The following CD109 variants were observed in gnomAD, a reference collection of about 807,000 sequenced individuals.
The protein encoded by CD109 is CD109 molecule.
A neutral mutation model predicts 165.8 loss-of-function variants in CD109; 149 were observed. The ratio of observed to expected loss-of-function variants is 0.90; its 90% confidence interval spans 0.79 to 1.03. The LOEUF is 1.03. Among genes scored for constraint, CD109 ranks in the 50% least tolerant of loss-of-function variants. The pLI is 0.00. For synonymous variants in CD109, 585 were observed against 592.1 expected, an observed-to-expected ratio of 0.99 and a Z score of 0.18; for missense variants, 1,712 against 1,677.8, an observed-to-expected ratio of 1.02 and a Z score of -0.36.
At chr6:73,795,919 A>T (rs192148979) in intron 23 of CD109, among the ~76,000 whole-genome samples, 10 of 152,332 alleles carry the variant, frequency 6.6e-5, no homozygotes, top group African/African-American at 2.4e-4. Flanking sequence ...AGTCAGTGAG[A>T]TATGTCAGCA....
In CD109 at chr6:73,812,058, T is replaced by C. The variant is rs1417280838; in HGVS notation, c.3703-147T>C. On this transcript the variant is annotated intron_variant, in intron 28 of 32. Coordinates refer to ENST00000287097, the MANE Select transcript of CD109 (RefSeq NM_133493.5). ...CTTGCTTACCTATTTGACCCATAGC[T>C]TTTGATATGTGAGACAGTGCAAAGC... 2.3e-5 allele frequency: 12 copies of C among 511,760 alleles called. No individual in the cohort carries two copies. The South Asian group carries it at 3.6e-4, about 16-fold the overall frequency. 31.7% of individuals were successfully genotyped at this position (511,760 alleles called of 1,614,324 possible).
intron 3 of CD109, among the ~76,000 whole-genome samples, chr6:73,729,700 G>A (rs1772285944): frequency 6.6e-6 from 1 of 151,982 alleles, no homozygotes; most frequent in Admixed American, 6.6e-5. Context: ...TTTTAGTAGA[G>A]ATGGGGTTTC....
intron 26 of CD109, among the ~76,000 whole-genome samples, chr6:73,808,805 GGTGTGT>G (rs10552233): frequency 0.14 from 20,279 of 145,476 alleles, 1,367 homozygotes; most frequent in East Asian, 0.16. Context: ...CAGGGATCCA[GGTGTGT>G]GTGTGTGTGT....
chr6:73,733,074 C>T (rs1218472137), intron 4 of CD109, among the ~76,000 whole-genome samples: 2 of 152,164 alleles, frequency 1.3e-5, no homozygotes, highest in African/African-American at 2.4e-5. Flanking sequence ...CTTGCAGAGG[C>T]CAGGTGGGAG....
At chr6:73,781,409 T>C (rs975963776) in intron 17 of CD109, 90 bp downstream of exon 17, 3 of 1,115,504 alleles carry the variant, frequency 2.7e-6, no homozygotes, top group Non-Finnish European at 2.7e-6. Context: ...TAGATGAACA[T>C]AGAGATTGTG....
intron 5 of CD109, among the ~76,000 whole-genome samples, chr6:73,749,859 G>A (rs1039217002): frequency 8.5e-5 from 13 of 152,150 alleles, no homozygotes; most frequent in African/African-American, 2.9e-4. Flanking sequence ...TTAGTAGAAA[G>A]TTTCTATGTA....
chr6:73,756,386 G>T (rs1017629088), intron 5 of CD109, among the ~76,000 whole-genome samples: 2 of 152,028 alleles, frequency 1.3e-5, no homozygotes, highest in African/African-American at 2.4e-5. Context: ...TAAATGACCC[G>T]CAATGAATTA....
In CD109 at chr6:73,823,652, TG is replaced by T. The variant is rs765499911; in HGVS notation, c.*20del. ...GCTGTGATTTATTTTTAAAGGACTCTGTGTAACACTAACATTTCCAGTAGTC... is the reference window on the plus strand; with the variant it reads ...GCTGTGATTTATTTTTAAAGGACTCTTGTAACACTAACATTTCCAGTAGTC... On this transcript the variant is annotated 3_prime_UTR_variant, in exon 33 of 33. Coordinates refer to ENST00000287097, the MANE Select transcript of CD109 (RefSeq NM_133493.5). The T allele has an allele frequency of 3.8e-6, 6 of 1,579,736 alleles. No individual in the cohort carries two copies. Among genetic ancestry groups the T allele is most frequent in the East Asian group, 2.3e-5 (1 of 44,366 alleles).
In CD109 at chr6:73,730,383, G is replaced by T; in HGVS notation, c.316G>T (p.Val106Leu). 6.2e-7 allele frequency: 1 copy of T among 1,613,924 alleles called. No homozygotes were observed. The highest frequency in any genetic ancestry group is 8.5e-7 in the Non-Finnish European group (1 of 1,179,828). The change falls in exon 4 of 33, where the codon GTA becomes TTA. Residue 106 changes from valine (V) to leucine (L), a missense_variant. Coordinates refer to ENST00000287097, the MANE Select transcript of CD109 (RefSeq NM_133493.5). ...TGCAGATGAGATTTATGAGCTACGT[G>T]TAACCGGACGTACCCAGGATGAGAT... ...NSADEIYELR[V>L]TGRTQDEILF...
chr6:73,746,390 G>T (rs2150201583), intron 5 of CD109, among the ~76,000 whole-genome samples: 1 of 152,144 alleles, frequency 6.6e-6, no homozygotes, highest in South Asian at 2.1e-4. Flanking sequence ...TTCCCTCAAG[G>T]GTAACTTTCC....
At chr6:73,761,960 A>C (rs531505898) in intron 7 of CD109, among the ~76,000 whole-genome samples, 1 of 149,282 alleles carries the variant, frequency 6.7e-6, no homozygotes, top group Admixed American at 6.7e-5. Flanking sequence ...TTTTTTTTTA[A>C]TTTATTTATT....
intron 2 of CD109, among the ~76,000 whole-genome samples, chr6:73,704,975 G>A (rs1309765919): frequency 3.9e-5 from 6 of 152,098 alleles, no homozygotes; most frequent in Non-Finnish European, 1.5e-5. Context: ...ATTCATAAAT[G>A]TCCCACCTCT....
At chr6:73,734,642 T>A (rs1772480597) in intron 4 of CD109, among the ~76,000 whole-genome samples, 1 of 152,170 alleles carries the variant, frequency 6.6e-6, no homozygotes, top group Admixed American at 6.5e-5. Flanking sequence ...TTGCTTTTGG[T>A]CTCTGGTTTT....
intron 22 of CD109, among the ~76,000 whole-genome samples, chr6:73,792,182 C>G (rs1433052491): frequency 6.6e-6 from 1 of 151,914 alleles, no homozygotes; most frequent in African/African-American, 2.4e-5. Context: ...CACTACAATC[C>G]TCATTGTTTT....
chr6:73,772,613 G>A (rs186768007), intron 15 of CD109, among the ~76,000 whole-genome samples: 59 of 149,986 alleles, frequency 3.9e-4, no homozygotes, highest in African/African-American at 1.4e-3. Flanking sequence ...TACAAACCAA[G>A]AAGTATATGA....
intron 5 of CD109, among the ~76,000 whole-genome samples, chr6:73,747,167 C>T (rs1054237589): frequency 1.3e-5 from 2 of 152,214 alleles, no homozygotes; most frequent in African/African-American, 2.4e-5. Flanking sequence ...GCAGTGTTGA[C>T]AGTCTCTTTC....
intron 2 of CD109, among the ~76,000 whole-genome samples, chr6:73,720,939 T>C (rs1446752737): frequency 6.6e-6 from 1 of 152,214 alleles, no homozygotes; most frequent in East Asian, 1.9e-4. Context: ...CATTTGCTGC[T>C]CTTTTGCCTG....
In CD109 at chr6:73,818,836, A is replaced by G. The variant is rs189948521; in HGVS notation, c.4059+301A>G. 3.7e-4 allele frequency among the ~76,000 whole-genome samples: 57 copies of G among 152,242 alleles called. 1 individual carries two copies. Among genetic ancestry groups the G allele is most frequent in the African/African-American group, 1.3e-3 (55 of 41,542 alleles). ...GTATAATTAAAAAAATTCAACCCAG[A>G]TCTGAATTTGAGAGCCTGTCTGCCT... On this transcript the variant is annotated intron_variant, in intron 31 of 32. Coordinates refer to ENST00000287097, the MANE Select transcript of CD109 (RefSeq NM_133493.5).
intron 27 of CD109, 121 bp from the exon 28 acceptor site, chr6:73,810,871 C>A: frequency 1.1e-6 from 1 of 931,556 alleles, no homozygotes; most frequent in Non-Finnish European, 1.6e-6. Flanking sequence ...AAATATGAAT[C>A]AGGGAGCATT....
Sources: gnomAD v4.1 joint callset for allele counts (sites outside exome capture counted in the v4.1 genomes callset) on GRCh38, gnomAD v4.1.1 for gene constraint, MANE v1.5 for transcripts, NCBI Gene and HGNC (gene_info 2026-07-23, HGNC 2026-07-21) for gene names.